Variants in CPNE9 observed in about 807,000 individuals in gnomAD.
CPNE9 encodes copine-9.
Under a neutral mutation model 83.0 loss-of-function variants are expected in CPNE9, and 59 were observed. The ratio of observed to expected loss-of-function variants is 0.71; its 90% CI spans 0.58 to 0.88. The LOEUF is 0.88. CPNE9 is among the 40% of genes least tolerant of loss of function. The pLI is 0.00. For missense variants in CPNE9, 619 were observed against 720.8 expected (o/e 0.86, Z 1.62); for synonymous variants, 256 against 273.4 (o/e 0.94, Z 0.63).
rs762989632 is a variant in CPNE9, at chr3:9,717,115, G to A, written c.931+11G>A. 3 of 1,614,006 alleles carry A rather than the reference G, an allele frequency of 1.9e-6. No homozygotes were observed. Among genetic ancestry groups the A allele is most frequent in the African/African-American group, 1.3e-5 (1 of 74,918 alleles). On this transcript the variant is annotated intron_variant, in intron 15 of 20. Coordinates refer to ENST00000383832, the MANE Select transcript of CPNE9 (RefSeq NM_153635.3). ...TCACGGCTTCCAATGGTGAGACACG[G>A]ATGAGTGAAAAAGTCGGAGGTGGGA...
rs988607049 is a variant in CPNE9, at chr3:9,704,367, T to C, written c.69-220T>C. ...CTCTTTCCTGGGCCCTTGGAGACAG[T>C]GTGGGTGCGTTCGCGTCCAGTCCGC... On this transcript the variant is annotated intron_variant, in intron 1 of 20. Transcript: ENST00000383832. This position sits in a 1 kb window ranked among gnomAD's most constrained non-coding sequence, Gnocchi z 7.1. 6.6e-5 allele frequency among the ~76,000 whole-genome samples: 10 copies of C among 152,028 alleles called. No homozygotes were observed. The highest frequency in any genetic ancestry group is 1.3e-4 in the Admixed American group (2 of 15,280).
chr3:9,705,419 T>TACCCCCCCCCCCCCCCC, intron 4 of CPNE9, 45 bp from the exon 5 acceptor site: 2 of 662,620 alleles, frequency 3.0e-6, no homozygotes, highest in African/African-American at 2.0e-5. Flanking sequence ...TTCCACCCTC[T>TACCCCCCCCCCCCCCCC]CCCCCACCCA....
intron 18 of CPNE9, 56 bp downstream of exon 18, chr3:9,726,107 G>A (rs1223579619): frequency 5.3e-6 from 6 of 1,122,796 alleles, no homozygotes; most frequent in South Asian, 4.6e-5. Flanking sequence ...CTGTGAAGGG[G>A]CTGAGATTTT....
chr3:9,713,946 G>A (rs572345814), intron 10 of CPNE9, among the ~76,000 whole-genome samples: 37 of 152,154 alleles, frequency 2.4e-4, no homozygotes, highest in African/African-American at 8.4e-4. Flanking sequence ...GGTGGTGGGC[G>A]CCTGTAGTTC....
At chr3:9,717,670 G>GTGGA (rs113581025) in intron 15 of CPNE9, among the ~76,000 whole-genome samples, 113 of 151,952 alleles carry the variant, frequency 7.4e-4, no homozygotes, top group Middle Eastern at 6.8e-3. Flanking sequence ...AGACAAGTGG[G>GTGGA]TGGATGGATG....
At chr3:9,715,704 AT>A (rs1485252706) in intron 13 of CPNE9, among the ~76,000 whole-genome samples, 178 bp downstream of exon 13, 1 of 152,086 alleles carries the variant, frequency 6.6e-6, no homozygotes, top group Non-Finnish European at 1.5e-5. Flanking sequence ...CACTCAGGAA[AT>A]TTTTCTGACT....
chr3:9,711,380 T>TC (rs1232475749), intron 7 of CPNE9, among the ~76,000 whole-genome samples: 1 of 152,064 alleles, frequency 6.6e-6, no homozygotes, highest in East Asian at 1.9e-4. Flanking sequence ...TTTTTTCTTT[T>TC]TTTTTTTTGC....
chr3:9,717,208 C>A, intron 15 of CPNE9, 104 bp downstream of exon 15: 1 of 1,244,544 alleles, frequency 8.0e-7, no homozygotes, highest in South Asian at 1.2e-5. Flanking sequence ...TTTACCTACC[C>A]AAGAAGCCCA....
intron 10 of CPNE9, among the ~76,000 whole-genome samples, chr3:9,713,661 T>C (rs2076651143): frequency 6.6e-6 from 1 of 152,030 alleles, no homozygotes; most frequent in South Asian, 2.1e-4. Flanking sequence ...GATGGTTGGA[T>C]AGATGAATAG....
intron 17 of CPNE9, 60 bp downstream of exon 17, chr3:9,718,662 C>A: frequency 6.3e-7 from 1 of 1,576,336 alleles, no homozygotes; most frequent in South Asian, 1.1e-5. Flanking sequence ...GATTGACCCC[C>A]CAAGGATAGT....
intron 17 of CPNE9, among the ~76,000 whole-genome samples, chr3:9,720,145 T>C (rs988704085): frequency 6.6e-6 from 1 of 151,760 alleles, no homozygotes; most frequent in Non-Finnish European, 1.5e-5. Context: ...ATCAAACATA[T>C]GTCAATAAAC....
Position 9,714,971 on chromosome 3 carries a change from A to T in CPNE9, c.692+16A>T. On this transcript the variant is annotated intron_variant, in intron 11 of 20. Transcript: ENST00000383832. The stretch of plus-strand genomic sequence containing the variant: ...GGGATGGAAGGTAGAACTGCCCCAC[A>T]TGGTCCCTTCTCCTGTACTTGACCC... 1 of 1,611,548 alleles carries T rather than the reference A, an allele frequency of 6.2e-7. No individual in the cohort carries two copies. The highest frequency in any genetic ancestry group is 8.5e-7 in the Non-Finnish European group (1 of 1,177,810).
In CPNE9 at chr3:9,712,805, C is replaced by T; in HGVS notation, c.522C>T (p.Phe174=). 6.2e-7 allele frequency: 1 copy of T among 1,614,072 alleles called. No homozygotes were observed. The highest frequency in any genetic ancestry group is 1.3e-5 in the African/African-American group (1 of 75,024). The change falls in exon 9 of 21, where the codon TTC becomes TTT. Residue 174 remains phenylalanine, a synonymous_variant. Transcript: ENST00000383832. ...FFGKSDPFLV[F]YRSNEDGTFT... is the part of the protein sequence containing the mutation. ...GGAAATCAGACCCCTTCCTTGTGTT[C>T]TACAGGAGCAATGAGGATGGCACGT...
intron 14 of CPNE9, among the ~76,000 whole-genome samples, chr3:9,716,251 C>T (rs1157430374): frequency 6.6e-6 from 1 of 152,190 alleles, no homozygotes; most frequent in Non-Finnish European, 1.5e-5. Flanking sequence ...GCTTTCGACT[C>T]CTCCTGGGAA....
At chr3:9,727,667 G>A (rs2076796716) in intron 20 of CPNE9, among the ~76,000 whole-genome samples, 2 of 152,178 alleles carry the variant, frequency 1.3e-5, no homozygotes, top group South Asian at 4.1e-4. Flanking sequence ...CAGAAGCTAG[G>A]GTAGCAGGAT....
chr3:9,726,069 G>A lies in CPNE9; in HGVS notation c.1344+18G>A, dbSNP rs2076782258. 1.3e-6 allele frequency: 2 copies of A among 1,509,914 alleles called. No homozygotes were observed. The highest frequency in any genetic ancestry group is 1.4e-5 in the African/African-American group (1 of 71,404). The allele number at this position is 1,509,914 out of a possible 1,614,324, so 93.5% of individuals were successfully genotyped here. The stretch of plus-strand genomic sequence containing the variant: ...TCGTCAGCGTGAGTCTGAGGAGGAG[G>A]GCTTGGCAGGGAGGAGTAATGTCAA... On this transcript the variant is annotated intron_variant, in intron 18 of 20. Coordinates refer to ENST00000383832, the MANE Select transcript of CPNE9 (RefSeq NM_153635.3).
At chr3:9,707,627 A>C (rs563833738) in intron 7 of CPNE9, among the ~76,000 whole-genome samples, 1 of 150,442 alleles carries the variant, frequency 6.6e-6, no homozygotes, top group South Asian at 2.1e-4. Flanking sequence ...GTAGGGAAAA[A>C]AACAAAGGAA....
chr3:9,727,433 A>G, intron 20 of CPNE9: 1 of 717,600 alleles, frequency 1.4e-6, no homozygotes, highest in Non-Finnish European at 2.6e-6. Flanking sequence ...ACCAACAATA[A>G]ATAATCACAC....
chr3:9,704,827 C>A lies in CPNE9; in HGVS notation c.156+32C>A. 6.3e-7 allele frequency: 1 copy of A among 1,599,546 alleles called. No homozygotes were observed. On this transcript the variant is annotated intron_variant, in intron 3 of 20. Coordinates refer to ENST00000383832, the MANE Select transcript of CPNE9 (RefSeq NM_153635.3). The surrounding 1 kb of genome is among the most constrained non-coding windows in gnomAD (Gnocchi z 7.1). ...CCCAGAGCCCCCTCCCGGCCCAGGG[C>A]GTCGCCCGGGAATTCCCCTGCCCGT...
Sources: allele counts gnomAD v4.1 joint callset (sites outside exome capture counted in the v4.1 genomes callset), GRCh38; gene constraint gnomAD v4.1.1; non-coding constraint Gnocchi (gnomAD v3.1); transcripts MANE v1.5; gene names NCBI Gene and HGNC (gene_info 2026-07-23, HGNC 2026-07-21).